Variants in CLSPN observed in about 807,000 individuals in gnomAD.
CLSPN encodes the protein claspin homolog.
In CLSPN, 85 loss-of-function variants were observed where a neutral mutation model predicts 156.3. That is an observed-to-expected ratio of 0.54 (90% CI 0.46 to 0.65). CLSPN has a LOEUF of 0.65. CLSPN is among the 30% of genes least tolerant of loss of function. CLSPN has a pLI of 0.00. For synonymous variants in CLSPN, 534 were observed against 542.4 expected (o/e 0.98, Z 0.22); for missense variants, 1,407 against 1,554.9 (o/e 0.90, Z 1.60).
At chr1:35,747,118 C>A in intron 14 of CLSPN, 126 bp from the exon 15 acceptor site, 1 of 649,178 alleles carries the variant, frequency 1.5e-6, no homozygotes. Flanking sequence ...GTCAGGAGAT[C>A]AAGACCATCC....
chr1:35,731,289 T>C (rs1641311782), downstream of CLSPN, among the ~76,000 whole-genome samples: 1 of 151,796 alleles, frequency 6.6e-6, no homozygotes, highest in Non-Finnish European at 1.5e-5. Flanking sequence ...AGCTAACACC[T>C]TGAGAATTAT....
chr1:35,742,496 G>A (rs1641727861), intron 18 of CLSPN, among the ~76,000 whole-genome samples: 1 of 151,928 alleles, frequency 6.6e-6, no homozygotes. Context: ...CAAGTAGCTG[G>A]CACTACAGGC....
In CLSPN at chr1:35,733,384, A is replaced by G. The variant is rs1398972317; in HGVS notation, c.*3112T>C. The G allele has an allele frequency of 1.7e-6, 1 of 580,384 alleles. No homozygotes were observed. The highest frequency in any genetic ancestry group is 2.2e-5 in the African/African-American group (1 of 45,494). 36.0% of individuals were successfully genotyped at this position (580,384 alleles called of 1,614,324 possible). ...TTCCCAGGCTGGTCTCGAACTCCTG[A>G]GTTCAAGCAATGCACCCACCTCAGT... is the stretch of plus-strand genomic sequence containing the variant. On this transcript the variant is annotated 3_prime_UTR_variant, in exon 25 of 25. Transcript: ENST00000318121.
At chr1:35,756,630 C>T (rs1425086350) in intron 8 of CLSPN, among the ~76,000 whole-genome samples, 1 of 152,156 alleles carries the variant, frequency 6.6e-6, no homozygotes, top group African/African-American at 2.4e-5. Flanking sequence ...GAACTGTTCT[C>T]ATTCACATTG....
Position 35,743,497 on chromosome 1 carries a change from G to A in CLSPN, c.3000C>T (p.Asp1000=). ...EEEDEEEEFG[D]FRLVSNDNEF... ...CATTATCATTTGAAACAAGCCGAAA[G>A]TCTCCAAATTCCTCCTCCTCGTCTT... The change falls in exon 17 of 25, where the codon GAC becomes GAT. Residue 1000 remains aspartate (D), a synonymous_variant. Transcript: ENST00000318121. 6.2e-7 allele frequency: 1 copy of A among 1,613,724 alleles called. No homozygotes were observed. Among genetic ancestry groups the A allele is most frequent in the South Asian group, 1.1e-5 (1 of 91,074 alleles).
chr1:35,737,487 C>G, intron 22 of CLSPN, 66 bp from the exon 23 acceptor site: 1 of 1,263,742 alleles, frequency 7.9e-7, no homozygotes, highest in African/African-American at 1.5e-5. Flanking sequence ...TAAATCTAAA[C>G]AAGCTAAGAA....
chr1:35,732,619 A>C lies in CLSPN; in HGVS notation c.*3877T>G. The stretch of plus-strand genomic sequence containing the variant: ...AGTGTATGGAACAAGGAAGAAACAA[A>C]AACACTGACACTGAGCCTACCCTAT... On this transcript the variant is annotated 3_prime_UTR_variant, in exon 25 of 25. Transcript: ENST00000318121. 1 of 985,454 alleles carries C rather than the reference A, an allele frequency of 1.0e-6. No homozygotes were observed. The highest frequency in any genetic ancestry group is 1.2e-6 in the Non-Finnish European group (1 of 829,932). 61.0% of individuals were successfully genotyped at this position (985,454 alleles called of 1,614,324 possible). A position where few individuals can be genotyped will look rare whatever the true frequency, so the allele number is the denominator to read the frequency against.
At chr1:35,765,158 A>G in intron 2 of CLSPN, 60 bp downstream of exon 2, 1 of 942,710 alleles carries the variant, frequency 1.1e-6, no homozygotes, top group Non-Finnish European at 1.7e-6. Flanking sequence ...AATCAATCCA[A>G]TCTACTTACA....
At chr1:35,768,211 T>C (rs1285774004) in intron 1 of CLSPN, among the ~76,000 whole-genome samples, 1 of 151,900 alleles carries the variant, frequency 6.6e-6, no homozygotes, top group East Asian at 1.9e-4. Context: ...CTACTAAAAA[T>C]ACAAAAATTA....
Position 35,751,394 on chromosome 1 carries a change from A to C in CLSPN, c.1884T>G (p.Phe628Leu), listed in dbSNP as rs1288439297. The C allele has an allele frequency of 1.2e-6, 2 of 1,613,336 alleles. No individual in the cohort carries two copies. ...ALFKLDNEDG[F>L]EEEEEEEEEM... ...CTTCCTCTTCCTCCTCCTCTTCCTC[A>C]AACCCATCTTCATTATCTAATTTAA... is the stretch of plus-strand genomic sequence containing the variant. The change falls in exon 10 of 25, where the codon TTT (phenylalanine) becomes TTG (leucine). Residue 628 changes from phenylalanine (F) to leucine (L), a missense_variant. Phe to Leu is a conservative substitution (Grantham distance 22). This residue lies in a region of CLSPN where 1,096 missense variants were observed against 1,193.0 expected (regional missense o/e 0.92). Coordinates refer to ENST00000318121, the MANE Select transcript of CLSPN (RefSeq NM_022111.4).
chr1:35,765,971 G>A (rs963038582), intron 1 of CLSPN, among the ~76,000 whole-genome samples: 9 of 141,928 alleles, frequency 6.3e-5, no homozygotes, highest in Non-Finnish European at 9.1e-5. Context: ...GTCAAACTGG[G>A]TGGTTTCTTT....
chr1:35,731,371 TC>T (rs1469550038), downstream of CLSPN, among the ~76,000 whole-genome samples: 1 of 152,034 alleles, frequency 6.6e-6, no homozygotes, highest in Admixed American at 6.6e-5. Context: ...CTTTAGATGC[TC>T]CTGAGGCTGC....
rs754465465 is a variant in CLSPN, at chr1:35,762,507, G to C, written c.745-26C>G. On this transcript the variant is annotated intron_variant, in intron 4 of 24. Coordinates refer to ENST00000318121, the MANE Select transcript of CLSPN (RefSeq NM_022111.4). ...CTAAAAGAAATGGCAGGTTGATTAG[G>C]ACAAAAACGAAATTCAAATAAGAGG... The C allele has an allele frequency of 4.4e-6, 7 of 1,585,832 alleles. No individual in the cohort carries two copies. In the Middle Eastern group the frequency reaches 8.3e-4, roughly 187 times the overall value.
chr1:35,753,948 C>G lies in CLSPN; in HGVS notation c.1580-12G>C, dbSNP rs775615851. 4 of 1,612,486 alleles carry G rather than the reference C, an allele frequency of 2.5e-6. No homozygotes were observed. In the African/African-American group the frequency reaches 5.4e-5, roughly 22 times the overall value. ...CAAGGCTTCCAGTTCTAAACCCAAACGCCAACCAGTGTGTCAGTTTGCCAT... is the reference window on the plus strand; with the variant it reads ...CAAGGCTTCCAGTTCTAAACCCAAAGGCCAACCAGTGTGTCAGTTTGCCAT... On this transcript the variant is annotated splice_polypyrimidine_tract_variant and intron_variant, in intron 8 of 24. Transcript: ENST00000318121.
chr1:35,741,157 G>A (rs908746601), intron 18 of CLSPN, among the ~76,000 whole-genome samples: 2 of 151,358 alleles, frequency 1.3e-5, no homozygotes, highest in South Asian at 2.1e-4. Context: ...GATATGCTAA[G>A]TAGAAAAAAA....
At chr1:35,753,218 A>T (rs1642152450) in intron 9 of CLSPN, among the ~76,000 whole-genome samples, 1 of 151,908 alleles carries the variant, frequency 6.6e-6, no homozygotes, top group South Asian at 2.1e-4. Context: ...CAGCCTCCCA[A>T]GTATCTGGGG....
chr1:35,738,855 C>T (rs1641583041), intron 20 of CLSPN, among the ~76,000 whole-genome samples: 1 of 144,916 alleles, frequency 6.9e-6, no homozygotes, highest in African/African-American at 2.6e-5. Flanking sequence ...GGCTGGAGTG[C>T]AATGGCATGA....
chr1:35,750,682 C>T (rs1442731122), intron 10 of CLSPN, among the ~76,000 whole-genome samples: 1 of 151,940 alleles, frequency 6.6e-6, no homozygotes, highest in African/African-American at 2.4e-5. Flanking sequence ...CATGAGCCAC[C>T]CTGCCCGGCC....
At chr1:35,766,148 A>G (rs1409638320) in intron 1 of CLSPN, among the ~76,000 whole-genome samples, 2 of 148,504 alleles carry the variant, frequency 1.3e-5, no homozygotes, top group African/African-American at 2.5e-5. Context: ...GCGCACATCA[A>G]CACACCCAGC....
Sources: allele counts gnomAD v4.1 joint callset (sites outside exome capture counted in the v4.1 genomes callset), GRCh38; gene constraint gnomAD v4.1.1; regional missense constraint gnomAD v4.1.1; transcripts MANE v1.5; gene names NCBI Gene and HGNC (gene_info 2026-07-23, HGNC 2026-07-21).